CPED1: variants seen among roughly 807,000 people sequenced by gnomAD.
CPED1 encodes the protein cadherin-like and PC-esterase domain-containing protein 1.
In CPED1, 114 loss-of-function variants were observed where a neutral mutation model predicts 128.2. The ratio of observed to expected loss-of-function variants is 0.89; its 90% confidence interval spans 0.76 to 1.04. The LOEUF (loss-of-function observed/expected upper bound fraction) is 1.04, where lower values mean the gene tolerates loss of function less well. Ranked by LOEUF, CPED1 falls within the 50% of genes least tolerant of loss-of-function variation. The pLI is 0.00. For synonymous variants in CPED1, 462 were observed against 426.7 expected (o/e 1.08, Z -1.02); for missense variants, 1,211 against 1,207.1 (o/e 1.00, Z -0.05).
intron 4 of CPED1, among the ~76,000 whole-genome samples, chr7:121,057,197 C>T (rs67173197): frequency 0.07 from 10,683 of 152,170 alleles, 523 homozygotes; most frequent in Middle Eastern, 0.11. Context: ...TCAGGCTGTT[C>T]TCGAACTTCT....
intron 5 of CPED1, among the ~76,000 whole-genome samples, chr7:121,078,651 G>A (rs1794201369): frequency 6.6e-6 from 1 of 151,966 alleles, no homozygotes. Context: ...CCACATGATG[G>A]AGAAGATGGC....
Position 121,053,396 on chromosome 7 carries a change from T to G in CPED1, c.540+6403T>G, listed in dbSNP as rs141744026. Among the ~76,000 whole-genome samples the G allele has an allele frequency of 1.9e-3, 286 of 152,282 alleles. 2 individuals carry two copies. The highest frequency in any genetic ancestry group is 3.2e-3 in the Non-Finnish European group (220 of 68,026). ...TGGAATGATCCTCAATTTGGATTGG[T>G]CTGATGATTTCTTCATAAGGTTATG... On this transcript the variant is annotated intron_variant, in intron 4 of 22. Coordinates refer to ENST00000310396, the MANE Select transcript of CPED1 (RefSeq NM_024913.5).
At chr7:121,208,985 T>C (rs886201988) in intron 16 of CPED1, among the ~76,000 whole-genome samples, 1 of 152,040 alleles carries the variant, frequency 6.6e-6, no homozygotes, top group Non-Finnish European at 1.5e-5. Context: ...ATGTGTGACC[T>C]ACGGAAAAAG....
intron 7 of CPED1, among the ~76,000 whole-genome samples, chr7:121,122,139 ATTTTTT>A (rs34817474): frequency 1.6e-5 from 2 of 127,312 alleles, no homozygotes; most frequent in Admixed American, 8.4e-5. Context: ...ACTCATCTGG[ATTTTTT>A]TTTTTTTTTT....
intron 14 of CPED1, among the ~76,000 whole-genome samples, chr7:121,138,546 G>A (rs1795831238): frequency 6.6e-6 from 1 of 152,084 alleles, no homozygotes; most frequent in Non-Finnish European, 1.5e-5. Flanking sequence ...TTGCTGAAGA[G>A]AACGATTGCA....
At chr7:121,153,966 C>T (rs1188799880) in intron 16 of CPED1, among the ~76,000 whole-genome samples, 12 of 152,010 alleles carry the variant, frequency 7.9e-5, no homozygotes. Context: ...AAAATATATA[C>T]AAATCTGTTA....
chr7:121,013,655 A>T (rs558560389), intron 2 of CPED1, among the ~76,000 whole-genome samples: 2 of 152,344 alleles, frequency 1.3e-5, no homozygotes, highest in East Asian at 3.9e-4. Flanking sequence ...AAGTCACACA[A>T]ATAATGCTGG....
chr7:121,107,266 G>C lies in CPED1; in HGVS notation c.918+7172G>C, dbSNP rs549694128. Among the ~76,000 whole-genome samples, 4 of 152,124 alleles carry C rather than the reference G, an allele frequency of 2.6e-5. No individual in the cohort carries two copies. The South Asian group carries it at 6.2e-4, about 24-fold the overall frequency. On this transcript the variant is annotated intron_variant, in intron 7 of 22. Coordinates refer to ENST00000310396, the MANE Select transcript of CPED1 (RefSeq NM_024913.5). The stretch of plus-strand genomic sequence containing the variant: ...TTATCCCTAAGACTTTAACAACAAG[G>C]CTTAACTTTTTCATCACTGTGGTAA...
At chr7:121,250,059 A>G (rs1798634686) in intron 18 of CPED1, among the ~76,000 whole-genome samples, 1 of 152,316 alleles carries the variant, frequency 6.6e-6, no homozygotes, top group South Asian at 2.1e-4. Flanking sequence ...AAAATTGACC[A>G]CATAGTTGGA....
intron 3 of CPED1, among the ~76,000 whole-genome samples, chr7:121,016,534 T>C (rs1792305029): frequency 6.6e-6 from 1 of 152,158 alleles, no homozygotes; most frequent in East Asian, 1.9e-4. Context: ...AAATATTAAT[T>C]CCAACCCCTA....
chr7:121,286,586 C>A (rs1584655860), intron 22 of CPED1, among the ~76,000 whole-genome samples: 2 of 152,158 alleles, frequency 1.3e-5, no homozygotes, highest in Admixed American at 6.5e-5. Context: ...AATGGCTGAC[C>A]AAATTTGATT....
At chr7:121,226,965 C>T (rs1052524312) in intron 16 of CPED1, among the ~76,000 whole-genome samples, 5 of 151,990 alleles carry the variant, frequency 3.3e-5, no homozygotes, top group African/African-American at 1.2e-4. Flanking sequence ...TCCTTCAGAA[C>T]AAGATGCCAG....
At chr7:121,021,106 G>A (rs1792427090) in intron 3 of CPED1, among the ~76,000 whole-genome samples, 1 of 151,900 alleles carries the variant, frequency 6.6e-6, no homozygotes, top group African/African-American at 2.4e-5. Context: ...GTTCTGGAGA[G>A]TAGTATTTAA....
intron 16 of CPED1, among the ~76,000 whole-genome samples, chr7:121,226,757 A>T (rs1371757382): frequency 2.0e-5 from 3 of 152,116 alleles, no homozygotes; most frequent in African/African-American, 7.2e-5. Flanking sequence ...GATAAATGTG[A>T]TATCTCAAGG....
intron 16 of CPED1, among the ~76,000 whole-genome samples, chr7:121,196,957 G>A (rs968385407): frequency 2.0e-5 from 3 of 151,920 alleles, no homozygotes; most frequent in Admixed American, 2.0e-4. Context: ...TTTTTGTTTT[G>A]TGTATGTTTA....
intron 12 of CPED1, among the ~76,000 whole-genome samples, chr7:121,130,495 T>A (rs1293496449): frequency 6.6e-6 from 1 of 152,072 alleles, no homozygotes; most frequent in East Asian, 1.9e-4. Context: ...TAAAAATGTA[T>A]CCAACAGTTT....
At chr7:121,262,066 C>G (rs1204429771) in intron 18 of CPED1, 3 of 281,774 alleles carry the variant, frequency 1.1e-5, no homozygotes, top group Non-Finnish European at 2.0e-5. Flanking sequence ...TAATTACTCA[C>G]AGTAATTAAT....
chr7:121,093,960 G>A (rs1444479225), intron 5 of CPED1, among the ~76,000 whole-genome samples: 1 of 152,126 alleles, frequency 6.6e-6, no homozygotes, highest in Non-Finnish European at 1.5e-5. Context: ...CTGGGGCCCT[G>A]ACTGATAGAG....
chr7:121,065,286 A>T (rs1793800991), intron 5 of CPED1, among the ~76,000 whole-genome samples: 1 of 152,298 alleles, frequency 6.6e-6, no homozygotes, highest in East Asian at 1.9e-4. Flanking sequence ...AGCTATGTAA[A>T]TTTGGTTCTG....
Sources: allele counts gnomAD v4.1 joint callset (sites outside exome capture counted in the v4.1 genomes callset), GRCh38; gene constraint gnomAD v4.1.1; transcripts MANE v1.5; gene names NCBI Gene and HGNC (gene_info 2026-07-23, HGNC 2026-07-21).